ARHGAP10: variants seen among roughly 807,000 people sequenced by gnomAD.
ARHGAP10 encodes Rho GTPase activating protein 10.
A neutral mutation model predicts 108.6 loss-of-function variants in ARHGAP10; 87 were observed. The ratio of observed to expected loss-of-function variants is 0.80; its 90% confidence interval spans 0.67 to 0.96. The LOEUF (loss-of-function observed/expected upper bound fraction) is 0.96, where lower values mean the gene tolerates loss of function less well. ARHGAP10 is among the 40% of genes least tolerant of loss of function. The pLI, the probability that ARHGAP10 is intolerant of heterozygous loss-of-function variation, is 0.00. For synonymous variants in ARHGAP10, 347 were observed against 341.1 expected (o/e 1.02, Z -0.19); for missense variants, 939 against 954.5 (o/e 0.98, Z 0.21).
intron 5 of ARHGAP10, chr4:147,860,858 G>A (rs1734285271): frequency 6.6e-6 from 1 of 152,240 alleles, no homozygotes; most frequent in Non-Finnish European, 1.5e-5. Context: ...GCTTGGAGTA[G>A]TAAAACGTAT....
intron 4 of ARHGAP10, among the ~76,000 whole-genome samples, chr4:147,852,714 T>C (rs1409870684): frequency 4.0e-5 from 1 of 24,996 alleles, no homozygotes; most frequent in East Asian, 2.1e-3. Flanking sequence ...CTTTTTTTTT[T>C]TTTTTTTTTT....
At chr4:147,983,729 T>C (rs1182530123) in intron 18 of ARHGAP10, among the ~76,000 whole-genome samples, 2 of 152,198 alleles carry the variant, frequency 1.3e-5, no homozygotes, top group Non-Finnish European at 2.9e-5. Context: ...TTGTCTTGGA[T>C]TTCAATTTTC....
At chr4:147,734,113 G>A (rs1219562322) in intron 1 of ARHGAP10, among the ~76,000 whole-genome samples, 1 of 152,136 alleles carries the variant, frequency 6.6e-6, no homozygotes, top group Non-Finnish European at 1.5e-5. Context: ...TCTGTAACTT[G>A]ATGTTAACCA....
chr4:147,743,841 A>G (rs1728795952), intron 1 of ARHGAP10, among the ~76,000 whole-genome samples: 1 of 152,242 alleles, frequency 6.6e-6, no homozygotes, highest in Non-Finnish European at 1.5e-5. Context: ...AAATGTTGCA[A>G]GGCTTAAATT....
At chr4:147,940,890 C>T (rs1012635169) in intron 14 of ARHGAP10, among the ~76,000 whole-genome samples, 10 of 152,102 alleles carry the variant, frequency 6.6e-5, no homozygotes, top group Admixed American at 2.6e-4. Flanking sequence ...AGAAATTGCC[C>T]GTCATCAGTT....
intron 1 of ARHGAP10, among the ~76,000 whole-genome samples, chr4:147,779,326 G>T (rs1416694433): frequency 6.6e-6 from 1 of 152,168 alleles, no homozygotes; most frequent in African/African-American, 2.4e-5. Flanking sequence ...CTTGTATGAA[G>T]CAGTGGCCCT....
At position 147,968,168 on chromosome 4, in the gene ARHGAP10, A is replaced by G. The variant is rs543083049; in HGVS notation, c.1716+1329A>G. Among the ~76,000 whole-genome samples the G allele has an allele frequency of 4.2e-4, 64 of 152,262 alleles. No homozygotes were observed. The South Asian group carries it at 0.012, about 29-fold the overall frequency. ...TTTATATGTAGGGATGAGATAATCT[A>G]TGGGGGAACATAAGGAAAAAATGGT... On this transcript the variant is annotated intron_variant, in intron 18 of 22. Transcript: ENST00000336498.
chr4:147,893,515 A>C (rs1011271287), intron 10 of ARHGAP10, among the ~76,000 whole-genome samples: 15 of 147,676 alleles, frequency 1.0e-4, no homozygotes, highest in Admixed American at 6.8e-5. Flanking sequence ...AGGTATAATA[A>C]GAATATATAT....
intron 22 of ARHGAP10, among the ~76,000 whole-genome samples, chr4:148,068,243 C>T (rs556796213): frequency 5.3e-5 from 8 of 152,278 alleles, no homozygotes; most frequent in South Asian, 4.1e-4. Context: ...CACGTGGCAG[C>T]GGCAGCAGCA....
intron 1 of ARHGAP10, among the ~76,000 whole-genome samples, chr4:147,748,390 A>T (rs535436425): frequency 6.6e-6 from 1 of 152,298 alleles, no homozygotes; most frequent in South Asian, 2.1e-4. Flanking sequence ...CTAGTAAAAA[A>T]AAGCTGATGT....
At chr4:147,841,514 T>C (rs1560785312) in intron 3 of ARHGAP10, among the ~76,000 whole-genome samples, 1 of 152,330 alleles carries the variant, frequency 6.6e-6, no homozygotes, top group East Asian at 1.9e-4. Flanking sequence ...ATTCATTTGT[T>C]GCTGGGGAAG....
At chr4:147,926,382 C>G (rs1202056736) in intron 13 of ARHGAP10, among the ~76,000 whole-genome samples, 1 of 152,040 alleles carries the variant, frequency 6.6e-6, no homozygotes, top group Non-Finnish European at 1.5e-5. Flanking sequence ...AGAGAGACTT[C>G]GCAGACAAAC....
At chr4:147,784,955 AAATAT>A (rs1419422104) in intron 1 of ARHGAP10, among the ~76,000 whole-genome samples, 1 of 133,176 alleles carries the variant, frequency 7.5e-6, no homozygotes, top group Non-Finnish European at 1.5e-5. Flanking sequence ...ACATGTTATA[AAATAT>A]ATTATGAAAT....
chr4:147,793,002 G>T (rs1182517383), intron 1 of ARHGAP10, among the ~76,000 whole-genome samples: 1 of 152,136 alleles, frequency 6.6e-6, no homozygotes, highest in Non-Finnish European at 1.5e-5. Context: ...GCTGGGTGTG[G>T]TGATGCATGC....
At chr4:147,924,195 C>G (rs371416941) in intron 13 of ARHGAP10, among the ~76,000 whole-genome samples, 14 of 152,260 alleles carry the variant, frequency 9.2e-5, no homozygotes, top group African/African-American at 3.4e-4. Flanking sequence ...CTATTTGTTT[C>G]CAAATGAATG....
chr4:147,994,422 T>C (rs1238825725), intron 18 of ARHGAP10, among the ~76,000 whole-genome samples: 2 of 152,248 alleles, frequency 1.3e-5, no homozygotes, highest in Admixed American at 6.5e-5. Flanking sequence ...TTATTACTTA[T>C]TCTTAATTAC....
In ARHGAP10 at chr4:148,063,183, T is replaced by C; in HGVS notation, c.2063T>C (p.Leu688Pro). The C allele has an allele frequency of 6.2e-7, 1 of 1,614,198 alleles. No homozygotes were observed. The highest frequency in any genetic ancestry group is 8.5e-7 in the Non-Finnish European group (1 of 1,180,044). ...ACCCGATCGTCTATGGTCCAGTGGC[T>C]TAACCCACAGTCTCCAACCACAACA... ...GQTRSSMVQW[L>P]NPQSPTTTSS... Residue 688 changes from leucine (L) to proline (P), a missense_variant, in exon 21 of 23, where the codon CTT becomes CCT. Coordinates refer to ENST00000336498, the MANE Select transcript of ARHGAP10 (RefSeq NM_024605.4).
intron 19 of ARHGAP10, among the ~76,000 whole-genome samples, chr4:148,034,055 C>T (rs568186253): frequency 2.0e-5 from 3 of 152,274 alleles, no homozygotes; most frequent in African/African-American, 7.2e-5. Context: ...CTCTAAGCCT[C>T]ACAAATTTGG....
intron 1 of ARHGAP10, among the ~76,000 whole-genome samples, chr4:147,797,788 C>T (rs568202685): frequency 2.2e-4 from 34 of 152,254 alleles, no homozygotes; most frequent in Middle Eastern, 3.4e-3. Context: ...CTTAACCCTG[C>T]GAAACCTTCT....
Sources: gnomAD v4.1 joint callset for allele counts (sites outside exome capture counted in the v4.1 genomes callset) on GRCh38, gnomAD v4.1.1 for gene constraint, MANE v1.5 for transcripts, NCBI Gene and HGNC (gene_info 2026-07-23, HGNC 2026-07-21) for gene names.